The following SDK1 variants were observed in gnomAD, a reference collection of about 807,000 sequenced individuals.
SDK1 encodes the protein sidekick cell adhesion molecule 1.
A neutral mutation model predicts 245.5 loss-of-function variants in SDK1; 157 were observed. The observed-to-expected ratio is 0.64, with a 90% CI of 0.56 to 0.73. The LOEUF is 0.73. Ranked by LOEUF, SDK1 falls within the 30% of genes least tolerant of loss-of-function variation. The probability of loss-of-function intolerance (pLI) is 0.00; values close to 1 mark genes in which losing one functional copy is unlikely to be tolerated. For synonymous variants in SDK1, 1,647 were observed against 1,278.5 expected (o/e 1.29, Z -6.15); for missense variants, 3,583 against 3,002.3 (o/e 1.19, Z -4.52).
Position 4,113,451 on chromosome 7 carries a change from T to C in SDK1, c.3585+12T>C. On this transcript the variant is annotated intron_variant, in intron 24 of 44. Coordinates refer to ENST00000404826, the MANE Select transcript of SDK1 (RefSeq NM_152744.4). ...GGCTTCGCTGGGTGGTGAGTGGGGG[T>C]GAGAAGGGAGGCTGGAGGCACACGG... 6.2e-7 allele frequency: 1 copy of C among 1,612,564 alleles called. No homozygotes were observed. The highest frequency in any genetic ancestry group is 2.2e-5 in the East Asian group (1 of 44,828).
In SDK1 at chr7:4,056,556, C is replaced by T. The variant is rs966618106; in HGVS notation, c.2911+4726C>T. Among the ~76,000 whole-genome samples, 4 of 152,212 alleles carry T rather than the reference C, an allele frequency of 2.6e-5. No individual in the cohort carries two copies. In the East Asian group the frequency reaches 7.7e-4, roughly 29 times the overall value. The stretch of plus-strand genomic sequence containing the variant: ...CGGCTGGGAACCCAGACAGGTTCCC[C>T]ACTGTGGGAAAAGGGAAAGGGAGAG... On this transcript the variant is annotated intron_variant, in intron 19 of 44. Coordinates refer to ENST00000404826, the MANE Select transcript of SDK1 (RefSeq NM_152744.4).
chr7:3,719,601 G>T (rs1002892388), intron 4 of SDK1, among the ~76,000 whole-genome samples: 2 of 151,936 alleles, frequency 1.3e-5, no homozygotes, highest in Non-Finnish European at 2.9e-5. Context: ...GACAAAAGTG[G>T]GTGGAACCTT....
intron 14 of SDK1, among the ~76,000 whole-genome samples, chr7:3,988,236 G>A (rs1395513552): frequency 6.8e-6 from 1 of 146,276 alleles, no homozygotes; most frequent in Non-Finnish European, 1.5e-5. Flanking sequence ...CCCTAGGAAT[G>A]GTCCCCAATT....
chr7:3,756,654 C>T (rs1302382390), intron 4 of SDK1, among the ~76,000 whole-genome samples: 2 of 151,986 alleles, frequency 1.3e-5, no homozygotes, highest in Non-Finnish European at 2.9e-5. Context: ...AGACCTTGTG[C>T]GTGTAGTCAT....
At chr7:3,881,470 A>G (rs1281818589) in intron 5 of SDK1, among the ~76,000 whole-genome samples, 2 of 152,204 alleles carry the variant, frequency 1.3e-5, no homozygotes, top group Admixed American at 6.5e-5. Context: ...TCCATGGTGT[A>G]TACGTAACAC....
intron 19 of SDK1, among the ~76,000 whole-genome samples, chr7:4,066,325 T>C (rs944634586): frequency 2.2e-4 from 33 of 152,126 alleles, no homozygotes; most frequent in African/African-American, 7.5e-4. Flanking sequence ...GCAGCTGTGT[T>C]TGTGTTTGCT....
chr7:4,040,209 C>G (rs1391400610), intron 17 of SDK1, among the ~76,000 whole-genome samples: 1 of 152,168 alleles, frequency 6.6e-6, no homozygotes, highest in Non-Finnish European at 1.5e-5. Context: ...AACGCCAGAG[C>G]TGAATCTGAT....
chr7:3,919,578 C>T, intron 5 of SDK1, among the ~76,000 whole-genome samples: 1 of 152,182 alleles, frequency 6.6e-6, no homozygotes, highest in East Asian at 1.9e-4. Context: ...AATGTCGAGG[C>T]ATTGACCAAA....
At chr7:3,983,360 C>A (rs1379975656) in intron 13 of SDK1, among the ~76,000 whole-genome samples, 2 of 152,146 alleles carry the variant, frequency 1.3e-5, no homozygotes, top group Admixed American at 6.5e-5. Context: ...AAGAAATTGC[C>A]ACAGTCCCCC....
chr7:3,310,712 C>G (rs1012060636), intron 1 of SDK1, among the ~76,000 whole-genome samples: 1 of 152,084 alleles, frequency 6.6e-6, no homozygotes, highest in African/African-American at 2.4e-5. Context: ...AATTTTGCAA[C>G]CAGAGGAGGG....
chr7:3,378,226 A>C lies in SDK1; in HGVS notation c.298+76342A>C, dbSNP rs73294247. ...TTGTTCTGTCTTCCAAGAGTCCCTC[A>C]TAGTTTTGGTCTCACATATTTTGTG... On this transcript the variant is annotated intron_variant, in intron 1 of 44. Transcript: ENST00000404826. Among the ~76,000 whole-genome samples, 1,371 of 152,208 alleles carry C rather than the reference A, an allele frequency of 9.0e-3. 27 individuals carry two copies. Among genetic ancestry groups the C allele is most frequent in the African/African-American group, 0.031 (1,292 of 41,500 alleles).
intron 35 of SDK1, among the ~76,000 whole-genome samples, chr7:4,202,581 C>T (rs182510128): frequency 6.6e-6 from 1 of 152,260 alleles, no homozygotes; most frequent in East Asian, 1.9e-4. Context: ...ATGTCGCTGT[C>T]CCCAGATCAA....
intron 5 of SDK1, among the ~76,000 whole-genome samples, chr7:3,842,594 C>T (rs1434406658): frequency 3.3e-5 from 5 of 152,046 alleles, no homozygotes; most frequent in Admixed American, 3.3e-4. Context: ...CGCCAGGTGT[C>T]CCATGGTGCT....
At chr7:3,627,852 A>G (rs982531403) in intron 2 of SDK1, among the ~76,000 whole-genome samples, 10 of 151,328 alleles carry the variant, frequency 6.6e-5, no homozygotes, top group South Asian at 4.2e-4. Flanking sequence ...TATTACACCC[A>G]CCCCCATTGG....
chr7:3,623,355 G>A (rs1254728931), intron 2 of SDK1, among the ~76,000 whole-genome samples: 2 of 146,184 alleles, frequency 1.4e-5, no homozygotes, highest in African/African-American at 5.0e-5. Context: ...TCAAGCGATT[G>A]TCAGCCTCCT....
intron 33 of SDK1, among the ~76,000 whole-genome samples, chr7:4,175,094 G>A (rs1782110914): frequency 6.6e-6 from 1 of 152,198 alleles, no homozygotes; most frequent in Admixed American, 6.5e-5. Context: ...ACGCGCCAAT[G>A]CCAGCCGCGG....
In SDK1 at chr7:4,033,213, T is replaced by C. The variant is rs142687129; in HGVS notation, c.2602+15861T>C. Among the ~76,000 whole-genome samples, 810 of 152,230 alleles carry C rather than the reference T, an allele frequency of 5.3e-3. 6 individuals are homozygous for C. The highest frequency in any genetic ancestry group is 0.039 in the South Asian group (189 of 4,826). On this transcript the variant is annotated intron_variant, in intron 17 of 44. Coordinates refer to ENST00000404826, the MANE Select transcript of SDK1 (RefSeq NM_152744.4). Reference sequence around the variant, plus strand: ...GGACATCTTGAATAACTGAATAAAATAGACTTTTTGATAAGCATTATTGAA... The same window carrying C: ...GGACATCTTGAATAACTGAATAAAACAGACTTTTTGATAAGCATTATTGAA...
intron 40 of SDK1, among the ~76,000 whole-genome samples, chr7:4,224,003 G>T (rs541839213): frequency 1.3e-5 from 2 of 152,214 alleles, no homozygotes; most frequent in East Asian, 3.9e-4. Context: ...GTGGCCACAG[G>T]TCACCTAAAC....
intron 25 of SDK1, among the ~76,000 whole-genome samples, chr7:4,119,139 A>G (rs999362814): frequency 1.3e-5 from 2 of 148,812 alleles, no homozygotes; most frequent in African/African-American, 4.9e-5. Context: ...TTAATTTTAT[A>G]CAGATAAAAT....
Sources: allele counts gnomAD v4.1 joint callset (sites outside exome capture counted in the v4.1 genomes callset), GRCh38; gene constraint gnomAD v4.1.1; transcripts MANE v1.5; gene names NCBI Gene and HGNC (gene_info 2026-07-23, HGNC 2026-07-21).